EXOSC1: variants seen among roughly 807,000 people sequenced by gnomAD.
EXOSC1 encodes the protein exosome complex component CSL4.
In EXOSC1, 27 loss-of-function variants were observed where a neutral mutation model predicts 31.4. That is an observed-to-expected ratio of 0.86 (90% CI 0.63 to 1.18). EXOSC1 has a LOEUF of 1.18. EXOSC1 is among the 50% of genes most tolerant of loss of function. EXOSC1 has a pLI of 0.00. For synonymous variants in EXOSC1, 84 were observed against 89.5 expected (o/e 0.94, Z 0.35); for missense variants, 228 against 250.3 (o/e 0.91, Z 0.60).
At chr10:97,436,578 C>G in intron 7 of EXOSC1, 27 bp from the exon 8 acceptor site, 2 of 1,562,796 alleles carry the variant, frequency 1.3e-6, no homozygotes, top group Non-Finnish European at 1.7e-6. Context: ...GGTGGTGGAG[C>G]CCAGACCCCA....
Position 97,445,434 on chromosome 10 carries a change from C to G in EXOSC1, c.147+298G>C, listed in dbSNP as rs535391176. On this transcript the variant is annotated intron_variant, in intron 2 of 7. Coordinates refer to ENST00000370902, the MANE Select transcript of EXOSC1 (RefSeq NM_016046.5). ...TAAAGTCGGAAAGGTAAGCAACATTCATACAGTATGCAACTCACTGCTGGG... is the reference window on the plus strand; with the variant it reads ...TAAAGTCGGAAAGGTAAGCAACATTGATACAGTATGCAACTCACTGCTGGG... The G allele has an allele frequency of 7.7e-5, 33 of 430,392 alleles. No individual in the cohort carries two copies. In the South Asian group the frequency reaches 1.1e-3, roughly 14 times the overall value. 26.7% of individuals were successfully genotyped at this position (430,392 alleles called of 1,614,324 possible).
In EXOSC1 at chr10:97,441,097, C is replaced by T; in HGVS notation, c.311+74G>A. On this transcript the variant is annotated intron_variant, in intron 4 of 7. Coordinates refer to ENST00000370902, the MANE Select transcript of EXOSC1 (RefSeq NM_016046.5). ...AAAAATAGGAATTGTAACTGTTGCT[C>T]AAAATTCTGGTGTCCTAGTCTATCC... The T allele has an allele frequency of 2.4e-6, 3 of 1,229,946 alleles. No homozygotes were observed. The South Asian group carries it at 4.0e-5, about 16-fold the overall frequency. 76.2% of individuals were successfully genotyped at this position (1,229,946 alleles called of 1,614,324 possible).
chr10:97,438,012 C>T (rs1192714884), intron 5 of EXOSC1, among the ~76,000 whole-genome samples: 2 of 151,856 alleles, frequency 1.3e-5, no homozygotes, highest in Non-Finnish European at 2.9e-5. Flanking sequence ...CTCTGCCTCC[C>T]GGGTTCAAGC....
intron 3 of EXOSC1, among the ~76,000 whole-genome samples, chr10:97,441,816 T>G (rs1589466158): frequency 6.7e-6 from 1 of 149,144 alleles, no homozygotes; most frequent in East Asian, 2.0e-4. Context: ...TTTTAAATCT[T>G]TTCACAACTT....
At chr10:97,441,880 A>G (rs1018224770) in intron 3 of EXOSC1, among the ~76,000 whole-genome samples, 4 of 150,178 alleles carry the variant, frequency 2.7e-5, no homozygotes, top group Admixed American at 1.3e-4. Context: ...CAATTAAAAA[A>G]AAAAAAAAAA....
At chr10:97,445,666 A>G in intron 2 of EXOSC1, 66 bp downstream of exon 2, 2 of 1,483,750 alleles carry the variant, frequency 1.3e-6, no homozygotes, top group East Asian at 2.3e-5. Context: ...GCCCATGCCT[A>G]AGGACTGGAA....
At chr10:97,437,546 C>A (rs757772009) in intron 6 of EXOSC1, among the ~76,000 whole-genome samples, 154 bp downstream of exon 6, 42 of 152,032 alleles carry the variant, frequency 2.8e-4, no homozygotes, top group Non-Finnish European at 5.1e-4. Flanking sequence ...CAGGGTTTCA[C>A]CATGTTGTCC....
rs1433379211 is a variant in EXOSC1, at chr10:97,437,266, C to T, written c.406G>A (p.Gly136Ser). The change falls in exon 7 of 8, where the codon GGT (glycine) becomes AGT (serine). Residue 136 changes from glycine (G) to serine (S), a missense_variant. Physicochemically the swap from Gly to Ser is moderately conservative, Grantham distance 56. Coordinates refer to ENST00000370902, the MANE Select transcript of EXOSC1 (RefSeq NM_016046.5). ...AGCAGGTAGTTGGACTGTGCATCAC[C>T]TAAGGAGATCTAGTCACATAACACC... ...DIVLAKVISL[G>S]DAQSNYLLTT... 1 of 1,613,836 alleles carries T rather than the reference C, an allele frequency of 6.2e-7. No homozygotes were observed. Among genetic ancestry groups the T allele is most frequent in the Non-Finnish European group, 8.5e-7 (1 of 1,179,834 alleles).
rs762830900 is a variant in EXOSC1 at position 97,437,739 on chromosome 10, A to G, written c.357T>C (p.Tyr119=). The G allele has an allele frequency of 1.2e-6, 2 of 1,613,242 alleles. No homozygotes were observed. Among genetic ancestry groups the G allele is most frequent in the South Asian group, 2.2e-5 (2 of 91,070 alleles). Residue 119 remains tyrosine, a synonymous_variant, in exon 6 of 8, where the codon TAT becomes TAC. Transcript: ENST00000370902. ...CAATGTCACCTGGGCGGAAACTCTT[A>G]TAAATTTCAACCTGTAAAGAAAGAA... The part of the protein sequence containing the change: ...RATEKDKVEI[Y]KSFRPGDIVL...
In EXOSC1 at chr10:97,445,833, T is replaced by G. The variant is rs1845954801; in HGVS notation, c.46A>C (p.Asn16His). Residue 16 changes from asparagine (N) to histidine (H), a missense_variant, in exon 2 of 8, where the codon AAC (asparagine) becomes CAC (histidine). Physicochemically the swap from Asn to His is moderately conservative, Grantham distance 68 (BLOSUM62 1). Coordinates refer to ENST00000370902, the MANE Select transcript of EXOSC1 (RefSeq NM_016046.5). The part of the protein sequence containing the change: ...RYCIPGERLC[N>H]LEEGSPGSGT... ...CTGCCCGGGCTGCCCTCCTCCAAGT[T>G]ACACAGACGTTCGCCTGCAGAAAAA... 1.9e-6 allele frequency: 3 copies of G among 1,613,854 alleles called. No individual in the cohort carries two copies. Among genetic ancestry groups the G allele is most frequent in the East Asian group, 2.2e-5 (1 of 44,866 alleles).
intron 5 of EXOSC1, among the ~76,000 whole-genome samples, 164 bp from the exon 6 acceptor site, chr10:97,437,914 T>C (rs1845594562): frequency 6.6e-6 from 1 of 152,142 alleles, no homozygotes; most frequent in Admixed American, 6.6e-5. Context: ...AGTATTATCA[T>C]ACAAATGAAA....
At chr10:97,445,236 T>C (rs1384060782) in intron 2 of EXOSC1, 2 of 156,670 alleles carry the variant, frequency 1.3e-5, no homozygotes, top group Non-Finnish European at 2.8e-5. Flanking sequence ...ATAGATGGCA[T>C]GTTACAAAGG....
chr10:97,438,599 C>G, intron 5 of EXOSC1, 71 bp downstream of exon 5: 1 of 1,436,066 alleles, frequency 7.0e-7, no homozygotes, highest in South Asian at 1.2e-5. Flanking sequence ...GTGACCATGC[C>G]TGGCCTGAGA....
At chr10:97,437,835 A>G in intron 5 of EXOSC1, 85 bp from the exon 6 acceptor site, 4 of 1,106,954 alleles carry the variant, frequency 3.6e-6, no homozygotes, top group African/African-American at 3.1e-5. Flanking sequence ...AAGCCAATCT[A>G]CTTTCTAATC....
At chr10:97,445,165 T>C (rs1845884479) in intron 2 of EXOSC1, 1 of 152,396 alleles carries the variant, frequency 6.6e-6, no homozygotes, top group African/African-American at 2.4e-5. Context: ...GAGGTGATAG[T>C]AGAGAAGCTA....
rs1266133782 is a variant in EXOSC1, at chr10:97,445,782, T to C, written c.97A>G (p.Ile33Val). Residue 33 changes from isoleucine to valine, a missense_variant, in exon 2 of 8, where the codon ATC (isoleucine) becomes GTC (valine). Coordinates refer to ENST00000370902, the MANE Select transcript of EXOSC1 (RefSeq NM_016046.5). ...AGACAGCCGGCAAGCGACGAAAAGA[T>C]GTAGCCGTGGCGGGTGTAGGTGCCG... The part of the protein sequence containing the change: ...GSGTYTRHGY[I>V]FSSLAGCLMK... The C allele has an allele frequency of 6.2e-7, 1 of 1,614,018 alleles. No individual in the cohort carries two copies. Among genetic ancestry groups the C allele is most frequent in the South Asian group, 1.1e-5 (1 of 91,088 alleles).
rs3763673 is a variant in EXOSC1 at position 97,437,435 on chromosome 10, C to T, written c.397-160G>A. 3.9e-5 allele frequency among the ~76,000 whole-genome samples: 6 copies of T among 152,268 alleles called. No individual in the cohort carries two copies. In the East Asian group the frequency reaches 1.2e-3, roughly 29 times the overall value. On this transcript the variant is annotated intron_variant, in intron 6 of 7. Coordinates refer to ENST00000370902, the MANE Select transcript of EXOSC1 (RefSeq NM_016046.5). ...GCGTGATATCAGTTCACAACCTCTG[C>T]CTCACAGGTTCAAGCGGTTCTCCTG...
intron 7 of EXOSC1, 46 bp downstream of exon 7, chr10:97,437,145 C>A (rs745473543): frequency 2.6e-6 from 4 of 1,522,630 alleles, no homozygotes; most frequent in Non-Finnish European, 3.6e-6. Flanking sequence ...TTATCCCAAA[C>A]CATAGATCCA....
At chr10:97,444,933 C>T (rs1426208563) in intron 2 of EXOSC1, 1 of 152,174 alleles carries the variant, frequency 6.6e-6, no homozygotes, top group East Asian at 1.9e-4. Context: ...CTGCCTTGTG[C>T]TATATACGGA....
Sources: allele counts gnomAD v4.1 joint callset (sites outside exome capture counted in the v4.1 genomes callset), GRCh38; gene constraint gnomAD v4.1.1; transcripts MANE v1.5; gene names NCBI Gene and HGNC (gene_info 2026-07-23, HGNC 2026-07-21).